FAM227B: variants seen among roughly 807,000 people sequenced by gnomAD.
FAM227B encodes the protein family with sequence similarity 227 member B, also known as protein FAM227B.
FAM227B carries 88 observed loss-of-function variants against 73.8 expected under a neutral mutation model. The observed-to-expected ratio is 1.19, with a 90% CI of 1.00 to 1.42. The LOEUF (loss-of-function observed/expected upper bound fraction) is 1.42. FAM227B is among the 40% of genes most tolerant of loss of function. The probability of loss-of-function intolerance (pLI) is 0.00; values close to 1 mark genes in which losing one functional copy is unlikely to be tolerated. For missense variants in FAM227B, 632 were observed against 590.9 expected, an observed-to-expected ratio of 1.07 and a Z score of -0.72; for synonymous variants, 210 against 190.5, an observed-to-expected ratio of 1.10 and a Z score of -0.84.
chr15:49,541,435 A>G (rs1015156622), intron 10 of FAM227B, among the ~76,000 whole-genome samples: 1 of 152,130 alleles, frequency 6.6e-6, no homozygotes, highest in Admixed American at 6.5e-5. Context: ...GTGACATTTC[A>G]GTTTTCCATA....
chr15:49,452,192 C>G (rs925276770), intron 11 of FAM227B, among the ~76,000 whole-genome samples: 8 of 152,160 alleles, frequency 5.3e-5, no homozygotes, highest in African/African-American at 1.7e-4. Context: ...CAGGTGCATG[C>G]TACCATGCCC....
intron 11 of FAM227B, among the ~76,000 whole-genome samples, chr15:49,436,996 C>A (rs773602445): frequency 4.0e-5 from 6 of 151,500 alleles, no homozygotes; most frequent in East Asian, 1.9e-4. Flanking sequence ...CCTGAGAAGG[C>A]GTAGCAACCT....
chr15:49,519,867 G>A (rs1000746426), intron 10 of FAM227B, among the ~76,000 whole-genome samples: 4 of 152,156 alleles, frequency 2.6e-5, no homozygotes, highest in Admixed American at 2.6e-4. Flanking sequence ...CAGAAAATGG[G>A]CTTTTCTTTT....
At chr15:49,396,941 TCTC>T (rs1307162338) in intron 11 of FAM227B, among the ~76,000 whole-genome samples, 8 of 152,004 alleles carry the variant, frequency 5.3e-5, no homozygotes, top group Non-Finnish European at 7.4e-5. Flanking sequence ...GCAGAGCGCC[TCTC>T]CTCCTTCAAA....
At chr15:49,342,443 T>C (rs2040879071) in intron 13 of FAM227B, among the ~76,000 whole-genome samples, 1 of 152,178 alleles carries the variant, frequency 6.6e-6, no homozygotes, top group African/African-American at 2.4e-5. Flanking sequence ...AAAAAGGGTC[T>C]CTTGAAGACA....
intron 11 of FAM227B, among the ~76,000 whole-genome samples, chr15:49,489,619 T>TA (rs1422056839): frequency 6.6e-6 from 1 of 150,662 alleles, no homozygotes; most frequent in Non-Finnish European, 1.5e-5. Context: ...CTCTAGGCCA[T>TA]AGAGTGTTTT....
At chr15:49,616,374 T>TTG (rs2153343632) in intron 1 of FAM227B, among the ~76,000 whole-genome samples, 1 of 152,340 alleles carries the variant, frequency 6.6e-6, no homozygotes, top group South Asian at 2.1e-4. Context: ...AAACTTTGTG[T>TTG]TGTTTTAAGC....
intron 11 of FAM227B, among the ~76,000 whole-genome samples, chr15:49,489,802 T>TTTATATATATATATA: frequency 3.9e-5 from 2 of 50,976 alleles, no homozygotes; most frequent in African/African-American, 1.4e-4. Flanking sequence ...ATATATATAT[T>TTTATATATATATATA]TTATATATAT....
chr15:49,328,180 A>G lies in FAM227B; in HGVS notation c.*388T>C. 1 of 1,604,092 alleles carries G rather than the reference A, an allele frequency of 6.2e-7. No individual in the cohort carries two copies. The highest frequency in any genetic ancestry group is 8.5e-7 in the Non-Finnish European group (1 of 1,174,794). On this transcript the variant is annotated 3_prime_UTR_variant, in exon 16 of 16. Coordinates refer to ENST00000299338, the MANE Select transcript of FAM227B (RefSeq NM_152647.3). ...CCTGAAAAAATGTAAAAAGTCTGAG[A>G]GAAACTACTTAGGGCACTTAGGAAT...
chr15:49,498,581 C>T (rs896232020), intron 11 of FAM227B, among the ~76,000 whole-genome samples: 4 of 152,182 alleles, frequency 2.6e-5, no homozygotes, highest in African/African-American at 9.7e-5. Context: ...TATCTTGTCA[C>T]GTTTTAGCGT....
intron 9 of FAM227B, among the ~76,000 whole-genome samples, chr15:49,543,576 G>A (rs556721110): frequency 3.9e-5 from 6 of 152,068 alleles, no homozygotes; most frequent in Non-Finnish European, 5.9e-5. Flanking sequence ...TGAACTCTTT[G>A]CCTAAAGCAA....
At chr15:49,381,776 A>G (rs956689125) in intron 11 of FAM227B, among the ~76,000 whole-genome samples, 2 of 152,214 alleles carry the variant, frequency 1.3e-5, no homozygotes, top group Non-Finnish European at 2.9e-5. Flanking sequence ...TGGTCTTCCA[A>G]GCAAACACAA....
intron 10 of FAM227B, among the ~76,000 whole-genome samples, chr15:49,510,158 G>A (rs1296061167): frequency 1.3e-5 from 2 of 151,976 alleles, no homozygotes; most frequent in African/African-American, 4.8e-5. Flanking sequence ...AAGATTTAAC[G>A]ATCTTTCACC....
chr15:49,536,777 A>C (rs1216067796), intron 10 of FAM227B, among the ~76,000 whole-genome samples: 4 of 152,044 alleles, frequency 2.6e-5, no homozygotes, highest in Admixed American at 1.3e-4. Flanking sequence ...TATGTGGTGA[A>C]TTAATTTTTG....
intron 8 of FAM227B, among the ~76,000 whole-genome samples, chr15:49,568,893 C>T (rs1223655266): frequency 6.6e-6 from 1 of 151,920 alleles, no homozygotes; most frequent in Non-Finnish European, 1.5e-5. Context: ...TACCTTCTAA[C>T]TTACAGGTTG....
At chr15:49,568,427 A>G in intron 8 of FAM227B, 81 bp from the exon 9 acceptor site, 1 of 1,148,986 alleles carries the variant, frequency 8.7e-7, no homozygotes, top group Non-Finnish European at 1.3e-6. Flanking sequence ...AATTTCATTT[A>G]TTCTCATGAG....
At position 49,485,936 on chromosome 15, in the gene FAM227B, A is replaced by T. The variant is rs183756896; in HGVS notation, c.1012+22275T>A. Reference sequence around the variant, plus strand: ...TTAGATGGCAAGAGCACAATGCCCAAAATAGAAGATGCAGTTAAGAATAAG... The same window carrying T: ...TTAGATGGCAAGAGCACAATGCCCATAATAGAAGATGCAGTTAAGAATAAG... On this transcript the variant is annotated intron_variant, in intron 11 of 15. Coordinates refer to ENST00000299338, the MANE Select transcript of FAM227B (RefSeq NM_152647.3). 1.8e-3 allele frequency: 274 copies of T among 152,146 alleles called. 3 individuals carry two copies. The highest frequency in any genetic ancestry group is 6.5e-3 in the African/African-American group (268 of 41,542). 9.4% of individuals were successfully genotyped at this position (152,146 alleles called of 1,614,324 possible). A position where few individuals can be genotyped will look rare whatever the true frequency, so the allele number is the denominator to read the frequency against.
intron 11 of FAM227B, among the ~76,000 whole-genome samples, chr15:49,461,849 G>A (rs1266280202): frequency 6.6e-6 from 1 of 152,154 alleles, no homozygotes; most frequent in African/African-American, 2.4e-5. Flanking sequence ...GGTTACTAGG[G>A]TAACCTCATT....
chr15:49,476,884 C>A (rs1023233248), intron 11 of FAM227B, among the ~76,000 whole-genome samples: 1 of 151,910 alleles, frequency 6.6e-6, no homozygotes, highest in African/African-American at 2.4e-5. Flanking sequence ...ACGGTGAAAC[C>A]TCGTCTCTAC....
Sources: gnomAD v4.1 joint callset for allele counts (sites outside exome capture counted in the v4.1 genomes callset) on GRCh38, gnomAD v4.1.1 for gene constraint, MANE v1.5 for transcripts, NCBI Gene and HGNC (gene_info 2026-07-23, HGNC 2026-07-21) for gene names.